The following CCDC33 variants were observed in gnomAD, a reference collection of about 807,000 sequenced individuals.
The protein encoded by CCDC33 is coiled-coil domain-containing protein 33.
Under a neutral mutation model 91.9 loss-of-function variants are expected in CCDC33, and 94 were observed. That is an observed-to-expected ratio of 1.02 (90% CI 0.87 to 1.21). CCDC33 has a LOEUF of 1.21. Among genes scored for constraint, CCDC33 ranks in the 50% most tolerant of loss-of-function variants. The pLI is 0.00. For missense variants in CCDC33, 940 were observed against 935.5 expected, an observed-to-expected ratio of 1.00 and a Z score of -0.06; for synonymous variants, 396 against 374.5, an observed-to-expected ratio of 1.06 and a Z score of -0.66.
chr15:74,215,373 G>C (rs913345983), upstream of CCDC33, among the ~76,000 whole-genome samples: 1 of 152,192 alleles, frequency 6.6e-6, no homozygotes, highest in Non-Finnish European at 1.5e-5. Context: ...CCAGGAGCTG[G>C]GGGGAGGTGG....
intron 11 of CCDC33, among the ~76,000 whole-genome samples, chr15:74,319,053 C>T (rs1489718931): frequency 5.3e-5 from 8 of 152,172 alleles, no homozygotes; most frequent in Admixed American, 1.3e-4. Context: ...TGTGTGGTGC[C>T]GAGCTGTGAG....
At chr15:74,243,671 T>C in intron 1 of CCDC33, 2 of 468,252 alleles carry the variant, frequency 4.3e-6, no homozygotes, top group Non-Finnish European at 8.5e-6. Context: ...AGGAGGCCAC[T>C]CAGGGCCAGG....
At chr15:74,327,771 G>A (rs1355523422) in intron 11 of CCDC33, among the ~76,000 whole-genome samples, 1 of 152,224 alleles carries the variant, frequency 6.6e-6, no homozygotes, top group Non-Finnish European at 1.5e-5. Flanking sequence ...TGAGGAACTG[G>A]CAGCCCCCTC....
At chr15:74,298,950 A>G (rs1376741664) in intron 11 of CCDC33, among the ~76,000 whole-genome samples, 1 of 152,048 alleles carries the variant, frequency 6.6e-6, no homozygotes, top group Non-Finnish European at 1.5e-5. Context: ...TAACCTTGTG[A>G]TCTGCCCGCC....
intron 11 of CCDC33, among the ~76,000 whole-genome samples, chr15:74,320,481 C>A (rs1567031840): frequency 6.6e-6 from 1 of 152,144 alleles, no homozygotes; most frequent in Non-Finnish European, 1.5e-5. Flanking sequence ...ACCGGGAACT[C>A]TCTGAGTGCA....
intron 2 of CCDC33, among the ~76,000 whole-genome samples, chr15:74,211,272 A>C (rs1269203922): frequency 7.9e-5 from 12 of 151,978 alleles, no homozygotes; most frequent in African/African-American, 2.4e-4. Context: ...GGATTGAGGG[A>C]AGGCCCCAAG....
At position 74,331,117 on chromosome 15, in the gene CCDC33, G is replaced by A; in HGVS notation, c.1677+5G>A. ...ACTGTGCGGCACCAAGAGAAGGCAG[G>A]TGGCAGAGGGGCTGCCCCCGAGGCC... On this transcript the variant is annotated splice_donor_5th_base_variant and intron_variant, in intron 14 of 18. Coordinates refer to ENST00000398814, the MANE Select transcript of CCDC33 (RefSeq NM_025055.5). 1 of 1,613,312 alleles carries A rather than the reference G, an allele frequency of 6.2e-7. No individual in the cohort carries two copies. The highest frequency in any genetic ancestry group is 8.5e-7 in the Non-Finnish European group (1 of 1,179,530).
intron 11 of CCDC33, among the ~76,000 whole-genome samples, chr15:74,310,021 C>T (rs903360779): frequency 2.6e-5 from 4 of 152,062 alleles, no homozygotes; most frequent in South Asian, 2.1e-4. Context: ...CATGGTGACA[C>T]GTGCCTGTAA....
chr15:74,233,938 G>A (rs1293913203), upstream of CCDC33, among the ~76,000 whole-genome samples: 1 of 152,186 alleles, frequency 6.6e-6, no homozygotes, highest in Non-Finnish European at 1.5e-5. Context: ...GGGAAGGAAA[G>A]GCCAAGTCAG....
At chr15:74,242,128 C>A (rs772326198) in intron 1 of CCDC33, among the ~76,000 whole-genome samples, 2 of 152,238 alleles carry the variant, frequency 1.3e-5, no homozygotes, top group African/African-American at 4.8e-5. Context: ...CCTTTTCTTT[C>A]TGTCTGCCTG....
In CCDC33 at chr15:74,333,183, G is replaced by A. The variant is rs374591803; in HGVS notation, c.1938+338G>A. On this transcript the variant is annotated intron_variant, in intron 16 of 18. Coordinates refer to ENST00000398814, the MANE Select transcript of CCDC33 (RefSeq NM_025055.5). The stretch of plus-strand genomic sequence containing the variant: ...AAACTCCCTTCTGGAGCATTCCCTG[G>A]TCTTGGTGCAGCCTTGGAGAGCCCT... 5.4e-6 allele frequency: 8 copies of A among 1,493,188 alleles called. No individual in the cohort carries two copies. In the African/African-American group the frequency reaches 1.1e-4, roughly 21 times the overall value. 92.5% of individuals were successfully genotyped at this position (1,493,188 alleles called of 1,614,324 possible).
intron 13 of CCDC33, 57 bp from the exon 14 acceptor site, chr15:74,330,924 C>A: frequency 6.5e-7 from 1 of 1,549,856 alleles, no homozygotes; most frequent in Non-Finnish European, 8.7e-7. Flanking sequence ...ACCCTCAGGG[C>A]CAAGGTGGAC....
chr15:74,331,971 T>C (rs536719994), intron 15 of CCDC33, among the ~76,000 whole-genome samples: 1 of 152,244 alleles, frequency 6.6e-6, no homozygotes, highest in African/African-American at 2.4e-5. Flanking sequence ...CAGAGGTTGC[T>C]GTGAGCCAAG....
intron 2 of CCDC33, among the ~76,000 whole-genome samples, chr15:74,256,759 C>G (rs1262376512): frequency 6.6e-6 from 1 of 152,218 alleles, no homozygotes; most frequent in Non-Finnish European, 1.5e-5. Flanking sequence ...ATCCCCTTCC[C>G]AGAAGAGGGT....
intron 5 of CCDC33, among the ~76,000 whole-genome samples, chr15:74,270,557 G>C (rs1216122376): frequency 1.3e-5 from 2 of 152,148 alleles, no homozygotes; most frequent in African/African-American, 4.8e-5. Flanking sequence ...ATTAGGGAAA[G>C]GAACAGAAGT....
chr15:74,332,781 G>C lies in CCDC33; in HGVS notation c.1874G>C (p.Arg625Pro), dbSNP rs374632000. Residue 625 changes from arginine (R) to proline (P), a missense_variant, in exon 16 of 19, where the codon CGG becomes CCG. Arg to Pro is a moderately radical substitution (Grantham distance 103). Coordinates refer to ENST00000398814, the MANE Select transcript of CCDC33 (RefSeq NM_025055.5). Reference protein sequence around the residue: ...SVLLAENAKLRTELDKNRHQQ... With the variant: ...SVLLAENAKLPTELDKNRHQQ... Reference sequence around the variant, plus strand: ...CTGCTGGCAGAAAACGCGAAGCTGCGGACGGAGCTGGATAAGAACCGCCAC... The same window carrying C: ...CTGCTGGCAGAAAACGCGAAGCTGCCGACGGAGCTGGATAAGAACCGCCAC... 1 of 1,614,078 alleles carries C rather than the reference G, an allele frequency of 6.2e-7. No individual in the cohort carries two copies. Among genetic ancestry groups the C allele is most frequent in the Non-Finnish European group, 8.5e-7 (1 of 1,180,042 alleles).
At chr15:74,247,966 A>G (rs948905236) in intron 2 of CCDC33, among the ~76,000 whole-genome samples, 2 of 152,126 alleles carry the variant, frequency 1.3e-5, no homozygotes, top group Non-Finnish European at 2.9e-5. Flanking sequence ...AATCCCAGCT[A>G]CTTGGGAGGC....
intron 11 of CCDC33, among the ~76,000 whole-genome samples, chr15:74,296,265 T>C (rs886906835): frequency 6.6e-6 from 1 of 152,166 alleles, no homozygotes; most frequent in African/African-American, 2.4e-5. Context: ...GCATGGCCAC[T>C]GGGTAGTGGG....
At chr15:74,269,107 C>G (rs2076247575) in intron 5 of CCDC33, among the ~76,000 whole-genome samples, 1 of 152,008 alleles carries the variant, frequency 6.6e-6, no homozygotes, top group South Asian at 2.1e-4. Context: ...CAATTAGCAG[C>G]TTTGGGAGGA....
Sources: gnomAD v4.1 joint callset for allele counts (sites outside exome capture counted in the v4.1 genomes callset) on GRCh38, gnomAD v4.1.1 for gene constraint, MANE v1.5 for transcripts, NCBI Gene and HGNC (gene_info 2026-07-23, HGNC 2026-07-21) for gene names.